The following IL12RB2 variants were observed in gnomAD, a reference collection of about 807,000 sequenced individuals.
IL12RB2 encodes the protein interleukin 12 receptor subunit beta 2.
In IL12RB2, 82 loss-of-function variants were observed where a neutral mutation model predicts 89.4. That is an observed-to-expected ratio of 0.92 (90% CI 0.77 to 1.10). The LOEUF is 1.10. Ranked by LOEUF, IL12RB2 falls within the 50% of genes least tolerant of loss-of-function variation. The pLI is 0.00. For synonymous variants in IL12RB2, 368 were observed against 370.1 expected (o/e 0.99, Z 0.07); for missense variants, 963 against 1,031.9 (o/e 0.93, Z 0.92).
chr1:67,342,761 CTTT>C (rs71062413), intron 9 of IL12RB2, among the ~76,000 whole-genome samples: 2 of 137,148 alleles, frequency 1.5e-5, no homozygotes, highest in Non-Finnish European at 3.1e-5. Context: ...AAAATCACAC[CTTT>C]TTTTTTTTTT....
intron 8 of IL12RB2, among the ~76,000 whole-genome samples, chr1:67,333,278 A>G (rs1401203236): frequency 6.6e-6 from 1 of 152,160 alleles, no homozygotes; most frequent in Non-Finnish European, 1.5e-5. Context: ...TTTATGAAAC[A>G]CCAACTGATG....
At chr1:67,342,283 C>T (rs760784293) in intron 9 of IL12RB2, among the ~76,000 whole-genome samples, 2 of 151,956 alleles carry the variant, frequency 1.3e-5, no homozygotes, top group Non-Finnish European at 2.9e-5. Flanking sequence ...GAAACGCCCA[C>T]CACTGCAAAG....
chr1:67,373,412 T>A (rs140577020), intron 13 of IL12RB2, among the ~76,000 whole-genome samples: 12 of 152,326 alleles, frequency 7.9e-5, no homozygotes, highest in Admixed American at 3.9e-4. Context: ...GCCCCGCCAA[T>A]CCTGTATAGG....
At chr1:67,336,349 T>C (rs1023434439) in intron 8 of IL12RB2, among the ~76,000 whole-genome samples, 7 of 152,284 alleles carry the variant, frequency 4.6e-5, no homozygotes, top group South Asian at 4.1e-4. Flanking sequence ...ATGATGTATA[T>C]AGTGTCCGGA....
intron 13 of IL12RB2, 47 bp downstream of exon 13, chr1:67,372,830 TG>T: frequency 7.3e-7 from 1 of 1,361,074 alleles, no homozygotes; most frequent in Non-Finnish European, 1.1e-6. Context: ...CTTGTTTGGA[TG>T]TCAGGAAAAC....
chr1:67,389,991 C>T (rs1479670768), intron 15 of IL12RB2, 38 bp from the exon 16 acceptor site: 1 of 892,486 alleles, frequency 1.1e-6, no homozygotes, highest in Non-Finnish European at 1.9e-6. Flanking sequence ...CCACTGTGTG[C>T]ACACCTAAGG....
At chr1:67,317,710 T>C (rs755889542) in intron 2 of IL12RB2, among the ~76,000 whole-genome samples, 2 of 152,170 alleles carry the variant, frequency 1.3e-5, no homozygotes, top group Non-Finnish European at 1.5e-5. Flanking sequence ...GGGATGTTTA[T>C]AGGGAGTTTT....
chr1:67,314,704 C>T (rs1655531448), intron 2 of IL12RB2, among the ~76,000 whole-genome samples: 1 of 152,132 alleles, frequency 6.6e-6, no homozygotes, highest in African/African-American at 2.4e-5. Context: ...TAGCCTAGCA[C>T]AATACAATTT....
intron 9 of IL12RB2, among the ~76,000 whole-genome samples, chr1:67,345,175 GAAAA>G (rs1244286582): frequency 6.6e-6 from 1 of 151,766 alleles, no homozygotes; most frequent in Admixed American, 6.6e-5. Flanking sequence ...ATTTCAAAAA[GAAAA>G]AAAGAAAGAA....
chr1:67,387,605 A>G (rs910481635), intron 15 of IL12RB2, among the ~76,000 whole-genome samples: 1 of 150,806 alleles, frequency 6.6e-6, no homozygotes, highest in Non-Finnish European at 1.5e-5. Flanking sequence ...TCAGGAGGCT[A>G]AGGCAGGAGA....
chr1:67,391,785 C>T (rs1429522390), intron 16 of IL12RB2, among the ~76,000 whole-genome samples: 3 of 151,878 alleles, frequency 2.0e-5, no homozygotes, highest in South Asian at 2.1e-4. Context: ...TACAGGCGCC[C>T]GCCGCCATGC....
intron 10 of IL12RB2, among the ~76,000 whole-genome samples, chr1:67,355,190 G>C (rs954667603): frequency 6.6e-6 from 1 of 152,122 alleles, no homozygotes; most frequent in African/African-American, 2.4e-5. Flanking sequence ...GAGGCAGGTA[G>C]ATCACTTGAG....
intron 1 of IL12RB2, among the ~76,000 whole-genome samples, chr1:67,309,474 G>A (rs1654734540): frequency 6.6e-6 from 1 of 152,230 alleles, no homozygotes; most frequent in Admixed American, 6.5e-5. Context: ...ATAACTAAAA[G>A]GACCTTAGTG....
chr1:67,323,436 C>T (rs917219215), intron 4 of IL12RB2, among the ~76,000 whole-genome samples: 4 of 152,130 alleles, frequency 2.6e-5, no homozygotes, highest in Non-Finnish European at 5.9e-5. Flanking sequence ...ATCTGTATTA[C>T]GAAGATAATA....
rs554660397 is a variant in IL12RB2 at position 67,392,906 on chromosome 1, G to A, written c.2047-2641G>A. Among the ~76,000 whole-genome samples the A allele has an allele frequency of 3.5e-4, 53 of 152,258 alleles. 1 individual carries two copies. Among genetic ancestry groups the A allele is most frequent in the South Asian group, 2.1e-3 (10 of 4,826 alleles). ...CCCAAAGTGTTGGGAGTACAGGCAT[G>A]AGCCACCACACCTGGCCTAGAATAT... On this transcript the variant is annotated intron_variant, in intron 16 of 16. Transcript: ENST00000674203.
intron 9 of IL12RB2, among the ~76,000 whole-genome samples, chr1:67,341,529 G>GAGAT (rs1553314365): frequency 9.0e-6 from 1 of 110,602 alleles, no homozygotes; most frequent in East Asian, 2.7e-4. Flanking sequence ...AAAAAAGAAA[G>GAGAT]AGAAAGAAAG....
chr1:67,368,900 G>A (rs1017580062), intron 11 of IL12RB2, among the ~76,000 whole-genome samples: 1 of 152,116 alleles, frequency 6.6e-6, no homozygotes, highest in Non-Finnish European at 1.5e-5. Context: ...ATATTTTAAG[G>A]GCTCAGTAAT....
In IL12RB2 at chr1:67,395,646, CCA is replaced by C; in HGVS notation, c.2147_2148del (p.Pro716ArgfsTer24). On this transcript the variant is annotated frameshift_variant, in exon 17 of 17. Transcript: ENST00000674203. LOFTEE classifies it low-confidence loss of function (END_TRUNC). ...CAGTGAAGTCCTTCATCAAGTGACC[CCA>C]GTTTTCAGACATCCCCCCTGCTCCA... ...VISEVLHQVT[P>X]VFRHPPCSNW... The C allele has an allele frequency of 6.2e-7, 1 of 1,614,196 alleles. No individual in the cohort carries two copies. The highest frequency in any genetic ancestry group is 8.5e-7 in the Non-Finnish European group (1 of 1,180,040).
At chr1:67,364,873 T>C (rs61779821) in intron 10 of IL12RB2, among the ~76,000 whole-genome samples, 13 of 152,214 alleles carry the variant, frequency 8.5e-5, no homozygotes, top group Non-Finnish European at 1.6e-4. Flanking sequence ...CTCATGCTCA[T>C]ATGGAACATT....
Sources: gnomAD v4.1 joint callset for allele counts (sites outside exome capture counted in the v4.1 genomes callset) on GRCh38, gnomAD v4.1.1 for gene constraint, MANE v1.5 for transcripts, NCBI Gene and HGNC (gene_info 2026-07-23, HGNC 2026-07-21) for gene names.